Variants in LOXHD1 observed in about 807,000 individuals in gnomAD.
LOXHD1 encodes lipoxygenase homology domain-containing protein 1.
In LOXHD1, 205 loss-of-function variants were observed where a neutral mutation model predicts 248.2. The ratio of observed to expected loss-of-function variants is 0.83; its 90% CI spans 0.74 to 0.93. The LOEUF is 0.93. Ranked by LOEUF, LOXHD1 falls within the 40% of genes least tolerant of loss-of-function variation. The pLI, the probability that LOXHD1 is intolerant of heterozygous loss-of-function variation, is 0.00. For missense variants in LOXHD1, 2,930 were observed against 2,971.6 expected (o/e 0.99, Z 0.33); for synonymous variants, 1,113 against 1,162.8 (o/e 0.96, Z 0.87).
chr18:46,548,522 A>G (rs1383477832), intron 21 of LOXHD1, among the ~76,000 whole-genome samples: 1 of 152,236 alleles, frequency 6.6e-6, no homozygotes, highest in African/African-American at 2.4e-5. Flanking sequence ...GAACTAAGCT[A>G]CCATTAAATT....
chr18:46,558,239 G>T (rs1342595963), intron 20 of LOXHD1, among the ~76,000 whole-genome samples: 1 of 152,106 alleles, frequency 6.6e-6, no homozygotes, highest in African/African-American at 2.4e-5. Context: ...TCTCTCTCTT[G>T]CTGTATGTTT....
chr18:46,478,084 T>C, intron 40 of LOXHD1, 132 bp from the exon 41 acceptor site: 1 of 1,269,212 alleles, frequency 7.9e-7, no homozygotes, highest in East Asian at 2.6e-5. Flanking sequence ...GAGCTGGAAA[T>C]GTTGGTTTAA....
intron 17 of LOXHD1, among the ~76,000 whole-genome samples, chr18:46,563,904 A>T (rs981548848): frequency 8.5e-5 from 13 of 152,236 alleles, no homozygotes; most frequent in Non-Finnish European, 5.9e-5. Flanking sequence ...AGTAATGCAG[A>T]GAGCAGTGAG....
chr18:46,548,751 C>T (rs779778058), intron 21 of LOXHD1, among the ~76,000 whole-genome samples: 22 of 151,756 alleles, frequency 1.4e-4, no homozygotes, highest in Non-Finnish European at 2.6e-4. Context: ...AAGGACAGAA[C>T]GAGACACACA....
intron 14 of LOXHD1, among the ~76,000 whole-genome samples, chr18:46,574,084 A>G (rs1233446689): frequency 6.6e-6 from 1 of 152,100 alleles, no homozygotes; most frequent in African/African-American, 2.4e-5. Context: ...TTCACAGGGC[A>G]GTGAAGTGTG....
rs2039193918 is a variant in LOXHD1, at chr18:46,657,131, G to A, written c.-98C>T. 4 of 1,538,494 alleles carry A rather than the reference G, an allele frequency of 2.6e-6. No homozygotes were observed. The highest frequency in any genetic ancestry group is 2.6e-6 in the Non-Finnish European group (3 of 1,140,900). On this transcript the variant is annotated 5_prime_UTR_variant, in exon 1 of 41. Coordinates refer to ENST00000642948, the MANE Select transcript of LOXHD1 (RefSeq NM_001384474.1). The stretch of plus-strand genomic sequence containing the variant: ...CTCCTCCCTGAGCTCTGGCGCCCAC[G>A]GCCCTCCTATAGCTCAGGCCTGGGT...
intron 17 of LOXHD1, among the ~76,000 whole-genome samples, chr18:46,565,988 C>T (rs2037631869): frequency 6.6e-6 from 1 of 152,196 alleles, no homozygotes; most frequent in Non-Finnish European, 1.5e-5. Flanking sequence ...GTTGAGTGTG[C>T]ATTTCCTAAT....
intron 7 of LOXHD1, among the ~76,000 whole-genome samples, chr18:46,602,885 G>C (rs1382740615): frequency 3.9e-5 from 6 of 152,156 alleles, no homozygotes; most frequent in African/African-American, 1.4e-4. Context: ...GCAATGCCCA[G>C]CTGCTATCAT....
At chr18:46,642,621 T>C (rs1338430870) in intron 2 of LOXHD1, among the ~76,000 whole-genome samples, 1 of 152,208 alleles carries the variant, frequency 6.6e-6, no homozygotes, top group African/African-American at 2.4e-5. Context: ...ATCTCTGGCA[T>C]CCTGCAAATG....
chr18:46,477,777 T>C lies in LOXHD1; in HGVS notation c.6517A>G (p.Asn2173Asp). The change falls in exon 41 of 41, where the codon AAC becomes GAC. Residue 2173 changes from asparagine (N) to aspartate (D), a missense_variant. Asn to Asp is a conservative substitution (Grantham distance 23). Transcript: ENST00000642948. The stretch of plus-strand genomic sequence containing the variant: ...GCCCCAAAGATGGTCACGAAGACGT[T>C]GGCATCAGTGCCTGCCCCTGGCTCA... ...GYEPGAGTDA[N>D]VFVTIFGANG... 2 of 1,551,878 alleles carry C rather than the reference T, an allele frequency of 1.3e-6. No individual in the cohort carries two copies. Among genetic ancestry groups the C allele is most frequent in the Middle Eastern group, 1.7e-4 (1 of 5,992 alleles).
chr18:46,652,221 T>C (rs763656256), intron 1 of LOXHD1, among the ~76,000 whole-genome samples: 1 of 152,078 alleles, frequency 6.6e-6, no homozygotes, highest in Non-Finnish European at 1.5e-5. Context: ...TTGCCTGGGG[T>C]CAGAAGTAGG....
Position 46,563,049 on chromosome 18 carries a change from C to T in LOXHD1, c.2598+16G>A, listed in dbSNP as rs2037562726. 2 of 1,526,590 alleles carry T rather than the reference C, an allele frequency of 1.3e-6. No homozygotes were observed. Among genetic ancestry groups the T allele is most frequent in the Admixed American group, 2.0e-5 (1 of 50,626 alleles). 94.6% of individuals were successfully genotyped at this position (1,526,590 alleles called of 1,614,324 possible). A position where few individuals can be genotyped will look rare whatever the true frequency, so the allele number is the denominator to read the frequency against. ...TGAGCCTGCTGTTGGCACCCCCGCT[C>T]CTCGACCCCACATACCTGGAATGTG... On this transcript the variant is annotated intron_variant, in intron 18 of 40. Transcript: ENST00000642948.
chr18:46,629,804 A>AAAAGAAAAAAAGAAAG (rs2038796083), intron 4 of LOXHD1, among the ~76,000 whole-genome samples: 3 of 151,260 alleles, frequency 2.0e-5, no homozygotes, highest in Non-Finnish European at 4.4e-5. Context: ...AAAAAAAAAA[A>AAAAGAAAAAAAGAAAG]AAAGAAAAAA....
chr18:46,566,480 G>A, intron 16 of LOXHD1, 31 bp from the exon 17 acceptor site: 3 of 1,537,998 alleles, frequency 2.0e-6, no homozygotes, highest in South Asian at 2.4e-5. Flanking sequence ...GGTGAGCAAG[G>A]AGCCAGTGTG....
chr18:46,483,676 G>A lies in LOXHD1; in HGVS notation c.6252C>T (p.His2084=), dbSNP rs753440039. 9.7e-6 allele frequency: 15 copies of A among 1,551,600 alleles called. No homozygotes were observed. Among genetic ancestry groups the A allele is most frequent in the Admixed American group, 2.0e-5 (1 of 50,972 alleles). Residue 2084 remains histidine, a synonymous_variant, in exon 40 of 41, where the codon CAC becomes CAT. Coordinates refer to ENST00000642948, the MANE Select transcript of LOXHD1 (RefSeq NM_001384474.1). ...LGDIASLCVG[H]LAREDRFIPK... is the part of the protein sequence containing the mutation. ...GGATAAACCGGTCTTCCCTGGCAAGGTGGCCCACACAGAGGGAGGCAATGT... is the reference window on the plus strand; with the variant it reads ...GGATAAACCGGTCTTCCCTGGCAAGATGGCCCACACAGAGGGAGGCAATGT...
chr18:46,529,697 GATACATGGCA>G, intron 28 of LOXHD1, among the ~76,000 whole-genome samples: 1 of 152,320 alleles, frequency 6.6e-6, no homozygotes, highest in African/African-American at 2.4e-5. Context: ...TACCTGCCAT[GATACATGGCA>G]ATAAAATGCC....
chr18:46,503,343 C>G (rs142092250), intron 37 of LOXHD1, among the ~76,000 whole-genome samples: 2 of 152,314 alleles, frequency 1.3e-5, no homozygotes, highest in South Asian at 4.1e-4. Context: ...TCCCCACACC[C>G]ATGCCTGCCA....
chr18:46,517,406 T>A (rs1671533668), intron 34 of LOXHD1, among the ~76,000 whole-genome samples: 1 of 152,166 alleles, frequency 6.6e-6, no homozygotes, highest in South Asian at 2.1e-4. Flanking sequence ...CTTTACCTTA[T>A]TGTGCCTCAG....
intron 34 of LOXHD1, among the ~76,000 whole-genome samples, chr18:46,512,666 TC>T (rs755273489): frequency 1.2e-4 from 18 of 152,230 alleles, no homozygotes; most frequent in Non-Finnish European, 1.8e-4. Context: ...GCAGCTCTTT[TC>T]CTCTTAGGAC....
Sources: gnomAD v4.1 joint callset for allele counts (sites outside exome capture counted in the v4.1 genomes callset) on GRCh38, gnomAD v4.1.1 for gene constraint, MANE v1.5 for transcripts, NCBI Gene and HGNC (gene_info 2026-07-23, HGNC 2026-07-21) for gene names.